The following USP35 variants were observed in gnomAD, a reference collection of about 807,000 sequenced individuals.
The protein encoded by USP35 is ubiquitin specific peptidase 35.
Under a neutral mutation model 83.8 loss-of-function variants are expected in USP35, and 69 were observed. The ratio of observed to expected loss-of-function variants is 0.82; its 90% confidence interval spans 0.68 to 1.01. The LOEUF (loss-of-function observed/expected upper bound fraction) is 1.01, where lower values mean the gene tolerates loss of function less well. USP35 is among the 50% of genes least tolerant of loss of function. The pLI, the probability that USP35 is intolerant of heterozygous loss-of-function variation, is 0.00. For synonymous variants in USP35, 714 were observed against 589.5 expected, an observed-to-expected ratio of 1.21 and a Z score of -3.06; for missense variants, 1,503 against 1,362.5, an observed-to-expected ratio of 1.10 and a Z score of -1.62.
chr11:78,218,575 G>T (rs59326135), downstream of USP35: 2,372 of 153,326 alleles, frequency 0.015, 66 homozygotes, highest in African/African-American at 0.054. Flanking sequence ...CCTTCCTTTT[G>T]TCCTTCATCT....
In USP35 at chr11:78,200,754, G is replaced by T. The variant is rs1258236619; in HGVS notation, c.1143G>T (p.Val381=). The part of the protein sequence containing the change: ...EQLAELVHCM[V]FRFPGFPDLY... The stretch of plus-strand genomic sequence containing the variant: ...TGGCGGAGCTGGTCCACTGCATGGT[G>T]TTCCGGTTCCCGGGCTTCCCGGATC... Residue 381 remains valine (V), a synonymous_variant, in exon 6 of 11, where the codon GTG becomes GTT. Transcript: ENST00000529308. 1.9e-6 allele frequency: 3 copies of T among 1,614,036 alleles called. No individual in the cohort carries two copies. The highest frequency in any genetic ancestry group is 2.5e-6 in the Non-Finnish European group (3 of 1,180,006).
chr11:78,205,700 A>T, intron 6 of USP35, 142 bp from the exon 7 acceptor site: 2 of 862,116 alleles, frequency 2.3e-6, no homozygotes. Context: ...CTGTTCACAC[A>T]CACCCCAGAA....
chr11:78,233,580 G>A, the USP35 span, among the ~76,000 whole-genome samples: 51 of 152,182 alleles, frequency 3.4e-4, no homozygotes, highest in African/African-American at 1.1e-3. Context: ...AGATATGCGC[G>A]TTGAATATTT....
At chr11:78,225,018 A>C in the USP35 span, 171,196 of 782,780 alleles carry the variant, frequency 0.22, 22,446 homozygotes, top group African/African-American at 0.44. Context: ...GACGCCATCA[A>C]TCTTTTGGGG....
intron 8 of USP35, among the ~76,000 whole-genome samples, chr11:78,208,420 G>A (rs1315000370): frequency 6.6e-6 from 1 of 152,150 alleles, no homozygotes; most frequent in Non-Finnish European, 1.5e-5. Flanking sequence ...CCTTGGCCAG[G>A]GATTATGCAA....
the USP35 span, chr11:78,220,380 G>T: frequency 3.7e-6 from 6 of 1,612,664 alleles, no homozygotes; most frequent in African/African-American, 8.0e-5. Flanking sequence ...AACGCTGCCG[G>T]TGCTCTTCTT....
rs1298777369 is a variant in USP35 at position 78,200,003 on chromosome 11, G to GC, written c.937-129dup. The GC allele has an allele frequency of 3.9e-6, 4 of 1,014,682 alleles. No individual in the cohort carries two copies. The African/African-American group carries it at 6.4e-5, about 16-fold the overall frequency. The allele number at this position is 1,014,682 out of a possible 1,614,324, so 62.9% of individuals were successfully genotyped here. On this transcript the variant is annotated intron_variant, in intron 4 of 10. Coordinates refer to ENST00000529308, the MANE Select transcript of USP35 (RefSeq NM_020798.4). ...TCTGTCTGTCCATCTGGGTCTGTGA[G>GC]CACCTCAGTGTTGATCCCTCTGCAT...
the USP35 span, chr11:78,222,274 G>A: frequency 6.2e-5 from 56 of 910,390 alleles, no homozygotes; most frequent in Middle Eastern, 4.2e-4. Flanking sequence ...TAACACATGA[G>A]CATGTTTATA....
intron 1 of USP35, among the ~76,000 whole-genome samples, chr11:78,190,277 T>A (rs879481157): frequency 6.6e-6 from 1 of 152,192 alleles, no homozygotes; most frequent in African/African-American, 2.4e-5. Context: ...GTGCTTTTTC[T>A]TTTGCTTTGG....
At chr11:78,233,074 C>G in the USP35 span, among the ~76,000 whole-genome samples, 2 of 132,518 alleles carry the variant, frequency 1.5e-5, no homozygotes, top group Non-Finnish European at 3.0e-5. Context: ...AGGTCTGGCT[C>G]TATTGCCCAG....
rs369498460 is a variant in USP35 at position 78,210,207 on chromosome 11, G to C, written c.2352G>C (p.Ser784=). 44 of 1,613,848 alleles carry C rather than the reference G, an allele frequency of 2.7e-5. No individual in the cohort carries two copies. The highest frequency in any genetic ancestry group is 1.5e-4 in the Admixed American group (9 of 59,996). ...CAGAAAACCGCTACTACTGCGAGTC[G>C]TGTGCCTCCCTGCAGGATGCCGAGA... ...LTAENRYYCE[S]CASLQDAEKV... Residue 784 remains serine (S), a synonymous_variant, in exon 10 of 11, where the codon TCG becomes TCC. Coordinates refer to ENST00000529308, the MANE Select transcript of USP35 (RefSeq NM_020798.4).
At chr11:78,217,520 A>T (rs1237835774), downstream of USP35, 1 of 152,294 alleles carries the variant, frequency 6.6e-6, no homozygotes, top group African/African-American at 2.4e-5. Context: ...AGCTGTCCCC[A>T]TCAAACATGG....
At chr11:78,225,031 G>T in the USP35 span, 1 of 865,180 alleles carries the variant, frequency 1.2e-6, no homozygotes, top group Non-Finnish European at 1.9e-6. Flanking sequence ...TTTTGGGGTT[G>T]TGCTTTTAAT....
the USP35 span, among the ~76,000 whole-genome samples, chr11:78,229,495 C>T: frequency 6.6e-6 from 1 of 152,190 alleles, no homozygotes; most frequent in Non-Finnish European, 1.5e-5. Flanking sequence ...CATCATCTTC[C>T]TCTGGAACTC....
At position 78,214,383 on chromosome 11, in the gene USP35, G is replaced by GGGGGGGT. The variant is rs1863987951; in HGVS notation, c.*576_*577insTGGGGGG. Reference sequence around the variant, plus strand: ...CAAGCGCCACTGCATGGTTTTGGGGGGGGGGGCGGGGGGCTAGCTTCTCAC... The same window carrying GGGGGGGT: ...CAAGCGCCACTGCATGGTTTTGGGGGGGGGGGTGGGGGGCGGGGGGCTAGCTTCTCAC... On this transcript the variant is annotated 3_prime_UTR_variant, in exon 11 of 11. Coordinates refer to ENST00000529308, the MANE Select transcript of USP35 (RefSeq NM_020798.4). The GGGGGGGT allele has an allele frequency of 7.6e-6, 1 of 131,766 alleles. No homozygotes were observed. Among genetic ancestry groups the GGGGGGGT allele is most frequent in the Non-Finnish European group, 1.7e-5 (1 of 60,196 alleles). The allele number at this position is 131,766 out of a possible 1,614,324, so 8.2% of individuals were successfully genotyped here.
At chr11:78,222,427 A>G in the USP35 span, among the ~76,000 whole-genome samples, 1 of 151,850 alleles carries the variant, frequency 6.6e-6, no homozygotes, top group African/African-American at 2.4e-5. Context: ...TATGGTAATT[A>G]TATTTTCAGA....
At chr11:78,223,621 A>G in the USP35 span, 1 of 1,613,218 alleles carries the variant, frequency 6.2e-7, no homozygotes, top group Non-Finnish European at 8.5e-7. Context: ...ATTCATGGGC[A>G]CATAGTTGTC....
At position 78,189,070 on chromosome 11, in the gene USP35, C is replaced by T; in HGVS notation, c.-98C>T. On this transcript the variant is annotated 5_prime_UTR_variant, in exon 1 of 11. Coordinates refer to ENST00000529308, the MANE Select transcript of USP35 (RefSeq NM_020798.4). ...CCCCACCCTGGGGGGAGCAGAGGAC[C>T]AGCCCTGACCTAGCCGGGCCCAGCC... 2 of 622,308 alleles carry T rather than the reference C, an allele frequency of 3.2e-6. No individual in the cohort carries two copies. Among genetic ancestry groups the T allele is most frequent in the Non-Finnish European group, 4.0e-6 (2 of 498,048 alleles). 38.5% of individuals were successfully genotyped at this position (622,308 alleles called of 1,614,324 possible).
the USP35 span, among the ~76,000 whole-genome samples, chr11:78,224,596 C>G: frequency 6.6e-6 from 1 of 152,210 alleles, no homozygotes; most frequent in Admixed American, 6.5e-5. Flanking sequence ...TACCTGATTT[C>G]ACTGTCTTTT....
Sources: gnomAD v4.1 joint callset for allele counts (sites outside exome capture counted in the v4.1 genomes callset) on GRCh38, gnomAD v4.1.1 for gene constraint, MANE v1.5 for transcripts, NCBI Gene and HGNC (gene_info 2026-07-23, HGNC 2026-07-21) for gene names.